Variants in TCF4 observed in about 807,000 individuals in gnomAD.
The protein encoded by TCF4 is transcription factor 4.
A neutral mutation model predicts 82.1 loss-of-function variants in TCF4; 3 were observed. The observed-to-expected ratio is 0.04, with a 90% CI of 0.02 to 0.09. The LOEUF (loss-of-function observed/expected upper bound fraction) is 0.09. TCF4 is among the 10% of genes least tolerant of loss of function. The probability of loss-of-function intolerance (pLI) is 1.00; values close to 1 mark genes in which losing one functional copy is unlikely to be tolerated. For missense variants in TCF4, 518 were observed against 852.7 expected (o/e 0.61, Z 4.89); for synonymous variants, 276 against 309.6 (o/e 0.89, Z 1.14).
In TCF4 at chr18:55,336,464, G is replaced by A. The variant is rs188268838; in HGVS notation, c.549+13895C>T. On this transcript the variant is annotated intron_variant, in intron 8 of 19. Transcript: ENST00000354452. ...ATGATCATATAATTATCTATTGTAT[G>A]TTAAAATAAATGGCAAATGAGGTTT... Among the ~76,000 whole-genome samples, 391 of 152,084 alleles carry A rather than the reference G, an allele frequency of 2.6e-3. 10 individuals carry two copies. Among genetic ancestry groups the A allele is most frequent in the Admixed American group, 0.025 (375 of 15,260 alleles).
At position 55,597,751 on chromosome 18, in the gene TCF4, A is replaced by C. The variant is rs370440283; in HGVS notation, c.287-10615T>G. Among the ~76,000 whole-genome samples, 5 of 152,212 alleles carry C rather than the reference A, an allele frequency of 3.3e-5. No individual in the cohort carries two copies. In the East Asian group the frequency reaches 9.6e-4, roughly 29 times the overall value. Reference sequence around the variant, plus strand: ...TTGGAAAACAGATAATCTTTTGCCTATTCCAAAGTGCAGTAAAATAATTGC... The same window carrying C: ...TTGGAAAACAGATAATCTTTTGCCTCTTCCAAAGTGCAGTAAAATAATTGC... On this transcript the variant is annotated intron_variant, in intron 2 of 20. Coordinates refer to the TCF4 transcript ENST00000398339.
chr18:55,281,049 G>A (rs1025112009), intron 8 of TCF4, among the ~76,000 whole-genome samples: 3 of 151,890 alleles, frequency 2.0e-5, no homozygotes, highest in African/African-American at 7.3e-5. Context: ...CAGAAAACAG[G>A]GATTTTTCTT....
chr18:55,621,618 T>TATAA (rs2097719474), intron 2 of TCF4, among the ~76,000 whole-genome samples: 1 of 31,472 alleles, frequency 3.2e-5, no homozygotes, highest in Non-Finnish European at 5.9e-5. Context: ...TTATATAATA[T>TATAA]TATATATAAT....
At chr18:55,431,705 A>G (rs2095202433) in intron 5 of TCF4, among the ~76,000 whole-genome samples, 1 of 152,232 alleles carries the variant, frequency 6.6e-6, no homozygotes, top group Non-Finnish European at 1.5e-5. Context: ...TGAGAAAAAA[A>G]GATGAGTTGG....
intron 8 of TCF4, among the ~76,000 whole-genome samples, chr18:55,306,130 G>T (rs1214095832): frequency 1.3e-5 from 2 of 152,150 alleles, no homozygotes; most frequent in Non-Finnish European, 2.9e-5. Flanking sequence ...ATTGGGAAGT[G>T]AATTATTAAT....
At chr18:55,626,604 G>T (rs2147996801) in intron 2 of TCF4, among the ~76,000 whole-genome samples, 1 of 152,232 alleles carries the variant, frequency 6.6e-6, no homozygotes, top group Middle Eastern at 3.4e-3. Flanking sequence ...CTTTCTCAAA[G>T]AAATGGGCAT....
At chr18:55,385,043 T>G (rs2092464172) in intron 6 of TCF4, among the ~76,000 whole-genome samples, 2 of 152,006 alleles carry the variant, frequency 1.3e-5, no homozygotes, top group African/African-American at 4.8e-5. Flanking sequence ...CTTACCCCCT[T>G]TCTCTCTTCC....
At chr18:55,358,828 G>C (rs1309357102) in intron 6 of TCF4, among the ~76,000 whole-genome samples, 1 of 152,160 alleles carries the variant, frequency 6.6e-6, no homozygotes, top group South Asian at 2.1e-4. Context: ...TGGACAATCT[G>C]TCTAACCTTG....
chr18:55,572,773 G>A (rs922040288), intron 3 of TCF4, among the ~76,000 whole-genome samples: 3 of 152,134 alleles, frequency 2.0e-5, no homozygotes, highest in African/African-American at 7.2e-5. Context: ...CCTAAACAGG[G>A]CTAGGCTCGG....
chr18:55,528,480 C>A (rs933670944), intron 3 of TCF4, among the ~76,000 whole-genome samples: 4 of 152,144 alleles, frequency 2.6e-5, no homozygotes, highest in African/African-American at 4.8e-5. Flanking sequence ...CATTCATAAC[C>A]AATAACAGTT....
At chr18:55,390,449 AG>A (rs1305805840) in intron 6 of TCF4, among the ~76,000 whole-genome samples, 2 of 151,750 alleles carry the variant, frequency 1.3e-5, no homozygotes, top group Non-Finnish European at 3.0e-5. Context: ...TACTGAACAC[AG>A]AAAGTCAGAG....
intron 6 of TCF4, chr18:55,401,372 C>G (rs1282389003): frequency 9.0e-7 from 1 of 1,108,838 alleles, no homozygotes; most frequent in Non-Finnish European, 1.1e-6. Context: ...AACCATGAAG[C>G]ACAAATTAAG....
chr18:55,314,286 G>A (rs1045775394), intron 8 of TCF4, among the ~76,000 whole-genome samples: 1 of 152,000 alleles, frequency 6.6e-6, no homozygotes, highest in Middle Eastern at 3.2e-3. Context: ...TGTAATAACA[G>A]GTGCAGAAAT....
chr18:55,429,775 A>AAC (rs1350565819), intron 5 of TCF4, among the ~76,000 whole-genome samples: 7 of 150,502 alleles, frequency 4.7e-5, no homozygotes, highest in Non-Finnish European at 8.9e-5. Flanking sequence ...AAAAAAAAAA[A>AAC]AAAAAAAAAA....
intron 11 of TCF4, 84 bp downstream of exon 11, chr18:55,269,746 CA>C: frequency 6.4e-7 from 1 of 1,554,554 alleles, no homozygotes; most frequent in South Asian, 1.1e-5. Flanking sequence ...AATTGCTATT[CA>C]GTTATGAAAG....
chr18:55,462,222 T>C (rs987822641), intron 4 of TCF4, among the ~76,000 whole-genome samples: 5 of 152,330 alleles, frequency 3.3e-5, no homozygotes, highest in African/African-American at 1.2e-4. Context: ...TCTGCCAACA[T>C]GTCCATCTAT....
intron 5 of TCF4, among the ~76,000 whole-genome samples, chr18:55,406,574 A>C (rs2094101613): frequency 6.6e-6 from 1 of 152,204 alleles, no homozygotes; most frequent in Non-Finnish European, 1.5e-5. Flanking sequence ...AAGAGCGCTG[A>C]TAACATGTTT....
chr18:55,618,299 C>A (rs1187107018), intron 2 of TCF4, among the ~76,000 whole-genome samples: 1 of 152,112 alleles, frequency 6.6e-6, no homozygotes, highest in Non-Finnish European at 1.5e-5. Context: ...CCTTGCATCC[C>A]AGGGATAAAT....
intron 6 of TCF4, among the ~76,000 whole-genome samples, chr18:55,362,990 G>T (rs890814512): frequency 6.6e-6 from 1 of 152,092 alleles, no homozygotes; most frequent in East Asian, 1.9e-4. Context: ...TCCCAGGAAA[G>T]TATTTGCATA....
Sources: gnomAD v4.1 joint callset for allele counts (sites outside exome capture counted in the v4.1 genomes callset) on GRCh38, gnomAD v4.1.1 for gene constraint, MANE v1.5 for transcripts, NCBI Gene and HGNC (gene_info 2026-07-23, HGNC 2026-07-21) for gene names.